Variants in MYZAP observed in about 807,000 individuals in gnomAD.
The protein encoded by MYZAP is GRINL1A complex locus upstream.
A neutral mutation model predicts 69.4 loss-of-function variants in MYZAP; 66 were observed. That is an observed-to-expected ratio of 0.95 (90% CI 0.78 to 1.17). MYZAP has a LOEUF of 1.17. Ranked by LOEUF, MYZAP falls within the 50% of genes most tolerant of loss-of-function variation. The probability of loss-of-function intolerance (pLI) is 0.00; values close to 1 mark genes in which losing one functional copy is unlikely to be tolerated. For synonymous variants in MYZAP, 256 were observed against 205.9 expected, an observed-to-expected ratio of 1.24 and a Z score of -2.09; for missense variants, 611 against 556.2, an observed-to-expected ratio of 1.10 and a Z score of -0.99.
intron 1 of MYZAP, among the ~76,000 whole-genome samples, chr15:57,598,642 C>T (rs894812175): frequency 6.6e-6 from 1 of 152,204 alleles, no homozygotes; most frequent in Admixed American, 6.5e-5. Flanking sequence ...TTAGTCTCTT[C>T]CTCCAAAGAT....
rs1206089528 is a variant in MYZAP, at chr15:57,603,813, GA to G, written c.76-449del. Among the ~76,000 whole-genome samples the G allele has an allele frequency of 3.3e-5, 5 of 151,880 alleles. No homozygotes were observed. In the East Asian group the frequency reaches 5.8e-4, roughly 18 times the overall value. Reference sequence around the variant, plus strand: ...TGAACATGGGTATATGGACTTTTTTGAAAAAAAGTTGTGATTAAACATGTAC... The same window carrying G: ...TGAACATGGGTATATGGACTTTTTTGAAAAAAGTTGTGATTAAACATGTAC... On this transcript the variant is annotated intron_variant, in intron 1 of 12. Transcript: ENST00000267853.
Position 57,639,422 on chromosome 15 carries a change from T to A in MYZAP, c.1014-18T>A, listed in dbSNP as rs773219052. 3 of 1,613,480 alleles carry A rather than the reference T, an allele frequency of 1.9e-6. No homozygotes were observed. The highest frequency in any genetic ancestry group is 2.5e-6 in the Non-Finnish European group (3 of 1,179,762). ...TTTGGTTTAGGACTCATTTGCTTTT[T>A]TCTCCTATTTGTGTTAGGTATCAGC... On this transcript the variant is annotated intron_variant, in intron 9 of 12. Coordinates refer to ENST00000267853, the MANE Select transcript of MYZAP (RefSeq NM_001018100.5).
At chr15:57,599,376 C>T (rs184137221) in intron 1 of MYZAP, 18 of 827,050 alleles carry the variant, frequency 2.2e-5, no homozygotes, top group South Asian at 4.6e-5. Flanking sequence ...TTGCCATCGT[C>T]GTACCCTCAT....
chr15:57,639,812 A>AG (rs2037039633), intron 10 of MYZAP, among the ~76,000 whole-genome samples: 2 of 152,334 alleles, frequency 1.3e-5, no homozygotes, highest in South Asian at 4.1e-4. Flanking sequence ...CCACTGTGAA[A>AG]GGACAGTGAT....
At chr15:57,638,395 G>A (rs961052179) in intron 9 of MYZAP, among the ~76,000 whole-genome samples, 19 of 152,118 alleles carry the variant, frequency 1.2e-4, no homozygotes, top group African/African-American at 4.6e-4. Context: ...CGGGTATGAC[G>A]GTGATAACAG....
At position 57,629,839 on chromosome 15, in the gene MYZAP, G is replaced by T; in HGVS notation, c.663G>T (p.Gln221His). The change falls in exon 6 of 13, where the codon CAG becomes CAT. Residue 221 changes from glutamine (Q) to histidine (H), a missense_variant. Coordinates refer to ENST00000267853, the MANE Select transcript of MYZAP (RefSeq NM_001018100.5). ...TGGAGGTAGCGCAAGTTGAAAACCA[G>T]CTGCTAAAAATGAAGGTGGAGTATA... is the stretch of plus-strand genomic sequence containing the variant. ...RQLEVAQVENQLLKMKVESSQ... is the reference protein window; with the variant it reads ...RQLEVAQVENHLLKMKVESSQ... The T allele has an allele frequency of 6.2e-7, 1 of 1,613,484 alleles. No individual in the cohort carries two copies. The highest frequency in any genetic ancestry group is 8.5e-7 in the Non-Finnish European group (1 of 1,179,854).
chr15:57,614,438 A>G (rs2934434), intron 2 of MYZAP, among the ~76,000 whole-genome samples: 120,308 of 152,238 alleles, frequency 0.79, 47,966 homozygotes, highest in East Asian at 0.93. Context: ...TGTGAGAGTG[A>G]ACCGAGAAGA....
chr15:57,610,686 T>A (rs1248295566), intron 2 of MYZAP, among the ~76,000 whole-genome samples: 1 of 152,114 alleles, frequency 6.6e-6, no homozygotes, highest in Non-Finnish European at 1.5e-5. Flanking sequence ...AATGTGGAAG[T>A]TCTATTGGTA....
At chr15:57,654,897 A>G (rs1311018874) in intron 10 of MYZAP, among the ~76,000 whole-genome samples, 3 of 151,072 alleles carry the variant, frequency 2.0e-5, no homozygotes, top group East Asian at 1.9e-4. Context: ...TTTTTTAGCT[A>G]TAGCAATCTG....
In MYZAP at chr15:57,637,730, T is replaced by A. The variant is rs774141969; in HGVS notation, c.969T>A (p.His323Gln). Residue 323 changes from histidine (H) to glutamine (Q), a missense_variant, in exon 9 of 13, where the codon CAT (histidine) becomes CAA (glutamine). His to Gln is a conservative substitution (Grantham distance 24). Transcript: ENST00000267853. ...RHQLQLQLLE[H>Q]ETEMSGELTD... is the part of the protein sequence containing the mutation. ...AACTGCAACTTCAACTCCTAGAACA[T>A]GAAACAGAAATGTCTGGGGAGTTAA... 21 of 1,613,008 alleles carry A rather than the reference T, an allele frequency of 1.3e-5. No homozygotes were observed. The South Asian group carries it at 1.5e-4, about 12-fold the overall frequency.
At chr15:57,621,733 G>T (rs756307516) in intron 4 of MYZAP, 33 bp downstream of exon 4, 1 of 1,609,916 alleles carries the variant, frequency 6.2e-7, no homozygotes, top group South Asian at 1.1e-5. Flanking sequence ...TGGAGATAGG[G>T]AGGCATGGCA....
chr15:57,661,488 C>G lies in MYZAP; in HGVS notation c.1158C>G (p.Leu386=), dbSNP rs1354165577. ...SLKKKLQQKQ[L]LILQLLEKIS... ...AGAAAAAGTTGCAACAGAAACAGCT[C>G]TTAATACTGCAGCTTTTAGAAAAGA... Residue 386 remains leucine (L), a synonymous_variant, in exon 11 of 13, where the codon CTC becomes CTG. Transcript: ENST00000267853. 2 of 1,609,672 alleles carry G rather than the reference C, an allele frequency of 1.2e-6. No homozygotes were observed. The highest frequency in any genetic ancestry group is 1.7e-6 in the Non-Finnish European group (2 of 1,178,902).
intron 10 of MYZAP, among the ~76,000 whole-genome samples, chr15:57,658,165 G>C (rs1157788800): frequency 6.6e-6 from 1 of 152,056 alleles, no homozygotes; most frequent in East Asian, 1.9e-4. Context: ...AGCCCTCTAC[G>C]TTACCCAGGT....
At chr15:57,629,654 G>A (rs2036377143) in intron 5 of MYZAP, 48 bp from the exon 6 acceptor site, 1 of 1,593,184 alleles carries the variant, frequency 6.3e-7, no homozygotes, top group Non-Finnish European at 8.5e-7. Context: ...CAGCCCATGT[G>A]TTTTCACGCC....
intron 10 of MYZAP, among the ~76,000 whole-genome samples, chr15:57,654,636 T>C (rs1303083095): frequency 1.3e-5 from 2 of 152,232 alleles, no homozygotes; most frequent in African/African-American, 4.8e-5. Flanking sequence ...TCATGAGTCT[T>C]GCACAATTGA....
intron 10 of MYZAP, chr15:57,648,200 TG>T: frequency 1.0e-6 from 1 of 985,420 alleles, no homozygotes; most frequent in Non-Finnish European, 1.2e-6. Flanking sequence ...GCCTTTTTTC[TG>T]TATGTGTTAT....
chr15:57,620,463 A>G (rs1236572235), intron 3 of MYZAP, among the ~76,000 whole-genome samples: 2 of 152,124 alleles, frequency 1.3e-5, no homozygotes, highest in African/African-American at 2.4e-5. Flanking sequence ...TACTTTCCCC[A>G]TCCTAGGGAT....
intron 10 of MYZAP, among the ~76,000 whole-genome samples, 190 bp from the exon 11 acceptor site, chr15:57,661,260 G>T (rs1431073471): frequency 6.6e-6 from 1 of 152,106 alleles, no homozygotes; most frequent in African/African-American, 2.4e-5. Flanking sequence ...CGTTAATACT[G>T]TTCCACGAAA....
At chr15:57,636,004 G>A (rs2140453382) in intron 8 of MYZAP, among the ~76,000 whole-genome samples, 2 of 152,296 alleles carry the variant, frequency 1.3e-5, no homozygotes, top group South Asian at 4.1e-4. Flanking sequence ...TTTCACAGGT[G>A]TTTACAAATG....
Sources: gnomAD v4.1 joint callset for allele counts (sites outside exome capture counted in the v4.1 genomes callset) on GRCh38, gnomAD v4.1.1 for gene constraint, MANE v1.5 for transcripts, NCBI Gene and HGNC (gene_info 2026-07-23, HGNC 2026-07-21) for gene names.